TULP4: variants seen among roughly 807,000 people sequenced by gnomAD.
TULP4 encodes tubby-related protein 4.
In TULP4, 16 loss-of-function variants were observed where a neutral mutation model predicts 129.0. The observed-to-expected ratio is 0.12, with a 90% CI of 0.08 to 0.19. The LOEUF is 0.19. Among genes scored for constraint, TULP4 ranks in the 10% least tolerant of loss-of-function variants. The probability of loss-of-function intolerance (pLI) is 1.00; values close to 1 mark genes in which losing one functional copy is unlikely to be tolerated. For synonymous variants in TULP4, 998 were observed against 854.0 expected (o/e 1.17, Z -2.94); for missense variants, 1,842 against 2,059.1 (o/e 0.89, Z 2.04).
At chr6:158,492,025 A>C (rs2128256419) in intron 9 of TULP4, among the ~76,000 whole-genome samples, 1 of 150,972 alleles carries the variant, frequency 6.6e-6, no homozygotes, top group Non-Finnish European at 1.5e-5. Flanking sequence ...CGCCCGGCTA[A>C]TTTTTGTATT....
At chr6:158,325,510 G>A (rs1019586668) in intron 1 of TULP4, among the ~76,000 whole-genome samples, 2 of 151,792 alleles carry the variant, frequency 1.3e-5, no homozygotes, top group Non-Finnish European at 2.9e-5. Flanking sequence ...CTATCACCAC[G>A]CCTGGCTAAT....
intron 1 of TULP4, among the ~76,000 whole-genome samples, chr6:158,406,414 A>C (rs1044897007): frequency 6.6e-6 from 1 of 152,232 alleles, no homozygotes; most frequent in Non-Finnish European, 1.5e-5. Context: ...TGAATTTCAC[A>C]AGTTTTCAAA....
At chr6:158,357,719 GT>G (rs754005229) in intron 1 of TULP4, among the ~76,000 whole-genome samples, 5 of 152,352 alleles carry the variant, frequency 3.3e-5, no homozygotes, top group Non-Finnish European at 5.9e-5. Flanking sequence ...CCCTACACCA[GT>G]GCTGGCCCAG....
chr6:158,249,313 ATAATC>A (rs1778093995), intron 1 of TULP4, among the ~76,000 whole-genome samples: 1 of 147,210 alleles, frequency 6.8e-6, no homozygotes, highest in African/African-American at 2.5e-5. Flanking sequence ...AATGAAATAA[ATAATC>A]TAATATTTGA....
intron 12 of TULP4, among the ~76,000 whole-genome samples, 156 bp from the exon 13 acceptor site, chr6:158,501,522 G>A (rs1372108961): frequency 1.3e-5 from 2 of 152,176 alleles, no homozygotes; most frequent in African/African-American, 4.8e-5. Context: ...CCTTGTGCGA[G>A]CAGGCCAGCT....
At chr6:158,253,253 TTCCTA>T (rs1778177514) in intron 1 of TULP4, among the ~76,000 whole-genome samples, 2 of 152,210 alleles carry the variant, frequency 1.3e-5, no homozygotes, top group East Asian at 3.8e-4. Flanking sequence ...GAAGAATGTA[TTCCTA>T]TACATCACCC....
At chr6:158,389,719 C>T (rs1583825986) in intron 1 of TULP4, among the ~76,000 whole-genome samples, 1 of 152,076 alleles carries the variant, frequency 6.6e-6, no homozygotes, top group East Asian at 1.9e-4. Context: ...TGACACAGCT[C>T]CTGTGTTCTC....
rs567212329 is a variant in TULP4 at position 158,306,957 on chromosome 6, G to T, written n.117-5094G>T. Reference sequence around the variant, plus strand: ...ATTTTTTTGAGCCCACGAATTTGAGGCTGCAGTGAGCTGTGATCACACCAC... The same window carrying T: ...ATTTTTTTGAGCCCACGAATTTGAGTCTGCAGTGAGCTGTGATCACACCAC... On this transcript the variant is annotated intron_variant and non_coding_transcript_variant, in intron 1 of 1. Transcript: ENST00000432358. Among the ~76,000 whole-genome samples the T allele has an allele frequency of 3.3e-5, 5 of 152,254 alleles. No individual in the cohort carries two copies. In the South Asian group the frequency reaches 1.0e-3, roughly 32 times the overall value.
rs71030149 is a variant in TULP4, at chr6:158,236,795, C to CTTTTTTTTTTTTTTTTTTTTTTTTTTTT, written n.68+4501_68+4528dup. On this transcript the variant is annotated intron_variant and non_coding_transcript_variant, in intron 1 of 1. Transcript: ENST00000620026. ...AGATGGGTAAATGCCCAATTCTTTTCTTTTTTTTTTTTTTTTTTTTTTTTT... is the reference window on the plus strand; with the variant it reads ...AGATGGGTAAATGCCCAATTCTTTTCTTTTTTTTTTTTTTTTTTTTTTTTTTTTTTTTTTTTTTTTTTTTTTTTTTTTT... Among the ~76,000 whole-genome samples the CTTTTTTTTTTTTTTTTTTTTTTTTTTTT allele has an allele frequency of 1.1e-4, 7 of 63,302 alleles. 2 individuals are homozygous for CTTTTTTTTTTTTTTTTTTTTTTTTTTTT. The highest frequency in any genetic ancestry group is 1.6e-4 in the Non-Finnish European group (5 of 32,232). 41.5% of individuals were successfully genotyped at this position (63,302 alleles called of 152,430 possible). A position where few individuals can be genotyped will look rare whatever the true frequency, so the allele number is the denominator to read the frequency against.
chr6:158,288,594 G>A (rs1467928118), intron 1 of TULP4, among the ~76,000 whole-genome samples: 2 of 151,734 alleles, frequency 1.3e-5, no homozygotes, highest in South Asian at 2.1e-4. Context: ...TCCGCCTCCC[G>A]GGTTCACGCC....
At chr6:158,304,864 G>C (rs1469006373) in intron 1 of TULP4, among the ~76,000 whole-genome samples, 1 of 151,766 alleles carries the variant, frequency 6.6e-6, no homozygotes, top group Non-Finnish European at 1.5e-5. Flanking sequence ...ACGGGGTCTT[G>C]CTATATTGTC....
At chr6:158,487,754 G>T (rs1278006266) in intron 8 of TULP4, among the ~76,000 whole-genome samples, 1 of 152,276 alleles carries the variant, frequency 6.6e-6, no homozygotes, top group African/African-American at 2.4e-5. Context: ...GTGCCTGCAC[G>T]TGTGGAATTG....
At chr6:158,296,533 G>T (rs1180522641) in intron 1 of TULP4, among the ~76,000 whole-genome samples, 1 of 152,072 alleles carries the variant, frequency 6.6e-6, no homozygotes, top group Non-Finnish European at 1.5e-5. Context: ...GCAAAAAGCA[G>T]AACTACTGAT....
rs533857142 is a variant in TULP4 at position 158,443,425 on chromosome 6, A to G, written c.544-5571A>G. On this transcript the variant is annotated intron_variant, in intron 3 of 13. Transcript: ENST00000367097. ...AGCTACCATGCCTGGCCGTAAATGC[A>G]TTTTTATATTGGTTCTGTAGTCAGA... Among the ~76,000 whole-genome samples the G allele has an allele frequency of 5.3e-5, 8 of 152,200 alleles. No homozygotes were observed. The South Asian group carries it at 1.0e-3, about 20-fold the overall frequency.
At chr6:158,465,666 G>A (rs1779540232) in intron 6 of TULP4, among the ~76,000 whole-genome samples, 2 of 152,196 alleles carry the variant, frequency 1.3e-5, no homozygotes, top group Non-Finnish European at 2.9e-5. Context: ...TGCTGGCCCA[G>A]CAAAACAGTC....
intron 6 of TULP4, among the ~76,000 whole-genome samples, chr6:158,474,825 G>T (rs1779780443): frequency 1.3e-5 from 2 of 152,112 alleles, no homozygotes; most frequent in Non-Finnish European, 1.5e-5. Flanking sequence ...TATTTCCTTT[G>T]AGCATCTTGT....
At chr6:158,276,252 G>T (rs1216068155) in intron 1 of TULP4, among the ~76,000 whole-genome samples, 1 of 151,664 alleles carries the variant, frequency 6.6e-6, no homozygotes, top group African/African-American at 2.4e-5. Context: ...TTACAGGCGT[G>T]AGCCACTGCG....
chr6:158,448,098 C>A (rs959593100), intron 3 of TULP4, among the ~76,000 whole-genome samples: 5 of 152,174 alleles, frequency 3.3e-5, no homozygotes, highest in African/African-American at 1.2e-4. Flanking sequence ...GGATGTTCAG[C>A]AGCTGTGAGG....
chr6:158,380,840 G>C (rs976016127), intron 1 of TULP4, among the ~76,000 whole-genome samples: 3 of 136,558 alleles, frequency 2.2e-5, no homozygotes, highest in African/African-American at 5.6e-5. Flanking sequence ...GTTGCAGTGA[G>C]CCGAGACCAC....
Sources: gnomAD v4.1 joint callset for allele counts (sites outside exome capture counted in the v4.1 genomes callset) on GRCh38, gnomAD v4.1.1 for gene constraint, MANE v1.5 for transcripts, NCBI Gene and HGNC (gene_info 2026-07-23, HGNC 2026-07-21) for gene names.